Variants in STK39 observed in about 807,000 individuals in gnomAD.
STK39 encodes STE20/SPS1-related proline-alanine-rich protein kinase.
A neutral mutation model predicts 77.8 loss-of-function variants in STK39; 20 were observed. The ratio of observed to expected loss-of-function variants is 0.26; its 90% CI spans 0.18 to 0.37. The LOEUF (loss-of-function observed/expected upper bound fraction) is 0.37, where lower values mean the gene tolerates loss of function less well. STK39 is among the 10% of genes least tolerant of loss of function. The pLI is 1.00. For synonymous variants in STK39, 246 were observed against 234.1 expected, an observed-to-expected ratio of 1.05 and a Z score of -0.47; for missense variants, 479 against 656.5, an observed-to-expected ratio of 0.73 and a Z score of 2.95.
chr2:168,050,321 A>C (rs1685361644), intron 14 of STK39, among the ~76,000 whole-genome samples: 1 of 152,212 alleles, frequency 6.6e-6, no homozygotes, highest in Non-Finnish European at 1.5e-5. Flanking sequence ...ATAAGGAGAG[A>C]CACTTAAAAT....
At chr2:168,143,232 A>G (rs1279232700) in intron 5 of STK39, among the ~76,000 whole-genome samples, 1 of 152,226 alleles carries the variant, frequency 6.6e-6, no homozygotes, top group Non-Finnish European at 1.5e-5. Flanking sequence ...CCTAATAACA[A>G]AAAGGGTCTA....
chr2:168,001,550 G>A (rs989318278), intron 16 of STK39, among the ~76,000 whole-genome samples: 12 of 151,958 alleles, frequency 7.9e-5, no homozygotes, highest in Non-Finnish European at 1.2e-4. Flanking sequence ...AATATAAGAT[G>A]CAGGATCAAA....
At chr2:168,169,631 C>CGTGTGTGTGTGTGT (rs10611769) in intron 2 of STK39, among the ~76,000 whole-genome samples, 5,947 of 145,874 alleles carry the variant, frequency 0.041, 301 homozygotes, top group African/African-American at 0.11. Context: ...TTGCAGTGAG[C>CGTGTGTGTGTGTGT]GTGTGTGTGT....
At chr2:168,000,606 T>G (rs1185878163) in intron 16 of STK39, among the ~76,000 whole-genome samples, 1 of 152,178 alleles carries the variant, frequency 6.6e-6, no homozygotes, top group Non-Finnish European at 1.5e-5. Context: ...GTTAGAAGGA[T>G]ATGTGAGGAA....
chr2:168,187,350 C>CAA (rs5836176), intron 1 of STK39, among the ~76,000 whole-genome samples: 1 of 145,120 alleles, frequency 6.9e-6, no homozygotes. Context: ...GACTCCATCT[C>CAA]AAAAAAAAAA....
intron 1 of STK39, among the ~76,000 whole-genome samples, chr2:168,225,852 C>T (rs930867243): frequency 6.6e-6 from 1 of 152,150 alleles, no homozygotes; most frequent in Non-Finnish European, 1.5e-5. Flanking sequence ...ACTTCCGATG[C>T]TACACCCTTC....
chr2:168,212,842 T>C (rs1320507802), intron 1 of STK39, among the ~76,000 whole-genome samples: 1 of 152,222 alleles, frequency 6.6e-6, no homozygotes, highest in Admixed American at 6.5e-5. Flanking sequence ...GTTCCCAGTG[T>C]TACTGGTTTG....
chr2:168,166,084 T>C (rs576341859), intron 3 of STK39, among the ~76,000 whole-genome samples: 2 of 152,270 alleles, frequency 1.3e-5, no homozygotes, highest in Non-Finnish European at 2.9e-5. Context: ...CATACAAATT[T>C]TTAAGTCAAC....
intron 12 of STK39, among the ~76,000 whole-genome samples, chr2:168,065,715 A>G (rs1490153376): frequency 6.6e-6 from 1 of 152,192 alleles, no homozygotes; most frequent in African/African-American, 2.4e-5. Context: ...TAAATTTGAT[A>G]ACCAAAAGAT....
At chr2:168,103,921 G>A (rs1366046708) in intron 10 of STK39, among the ~76,000 whole-genome samples, 2 of 152,166 alleles carry the variant, frequency 1.3e-5, no homozygotes. Flanking sequence ...TATTCACTCA[G>A]ACAAAAAACT....
At chr2:168,152,490 G>C (rs562281896) in intron 5 of STK39, among the ~76,000 whole-genome samples, 1 of 152,174 alleles carries the variant, frequency 6.6e-6, no homozygotes, top group African/African-American at 2.4e-5. Context: ...ACTGAGCCCC[G>C]GCGCTCCTCA....
At chr2:168,219,659 A>G (rs1371305600) in intron 1 of STK39, among the ~76,000 whole-genome samples, 1 of 152,100 alleles carries the variant, frequency 6.6e-6, no homozygotes, top group Non-Finnish European at 1.5e-5. Context: ...ACTCCTCTCA[A>G]TGCAACAAAA....
chr2:168,241,503 G>A (rs1053736331), intron 1 of STK39, among the ~76,000 whole-genome samples: 21 of 152,308 alleles, frequency 1.4e-4, no homozygotes, highest in African/African-American at 5.1e-4. Context: ...ATTGCCAGGA[G>A]CTCCACAGGT....
chr2:168,080,959 C>A (rs992934651), intron 10 of STK39, among the ~76,000 whole-genome samples: 2 of 152,222 alleles, frequency 1.3e-5, no homozygotes, highest in African/African-American at 4.8e-5. Context: ...GAACTGGGAA[C>A]CTCTGCCTAG....
intron 16 of STK39, among the ~76,000 whole-genome samples, chr2:168,010,217 T>C (rs1684236495): frequency 6.6e-6 from 1 of 151,808 alleles, no homozygotes; most frequent in South Asian, 2.1e-4. Flanking sequence ...TAATTTTCTA[T>C]TCTGGATGCT....
chr2:168,159,045 T>A (rs1386705486), intron 5 of STK39, among the ~76,000 whole-genome samples: 1 of 152,148 alleles, frequency 6.6e-6, no homozygotes, highest in Non-Finnish European at 1.5e-5. Context: ...TATACATATG[T>A]AAAAGTGAGT....
intron 16 of STK39, among the ~76,000 whole-genome samples, chr2:167,987,932 T>C (rs754958353): frequency 2.0e-5 from 3 of 152,240 alleles, no homozygotes; most frequent in Non-Finnish European, 2.9e-5. Flanking sequence ...ATGTATCAAA[T>C]TTTAATCCTT....
chr2:168,074,944 T>A (rs777937713), intron 12 of STK39, 38 bp downstream of exon 12: 1 of 1,607,588 alleles, frequency 6.2e-7, no homozygotes, highest in Admixed American at 1.7e-5. Context: ...AAGAAAGGAA[T>A]GAAATGGCAA....
chr2:168,192,340 G>A (rs1452417880), intron 1 of STK39, among the ~76,000 whole-genome samples: 2 of 152,122 alleles, frequency 1.3e-5, no homozygotes, highest in African/African-American at 2.4e-5. Context: ...AAGGAGCCAA[G>A]GGAGTGTGAC....
Sources: allele counts gnomAD v4.1 joint callset (sites outside exome capture counted in the v4.1 genomes callset), GRCh38; gene constraint gnomAD v4.1.1; transcripts MANE v1.5; gene names NCBI Gene and HGNC (gene_info 2026-07-23, HGNC 2026-07-21).